The following DGKK variants were observed in gnomAD, a reference collection of about 807,000 sequenced individuals.
The protein encoded by DGKK is 142 kDa diacylglycerol kinase.
DGKK carries 35 observed loss-of-function variants against 92.2 expected under a neutral mutation model. The ratio of observed to expected loss-of-function variants is 0.38; its 90% CI spans 0.29 to 0.50. DGKK has a LOEUF of 0.50. Ranked by LOEUF, DGKK falls within the 20% of genes least tolerant of loss-of-function variation. The probability of loss-of-function intolerance (pLI) is 0.92; values close to 1 mark genes in which losing one functional copy is unlikely to be tolerated. For synonymous variants in DGKK, 368 were observed against 360.6 expected (o/e 1.02, Z -0.23); for missense variants, 910 against 992.2 (o/e 0.92, Z 1.11).
chrX:50,434,715 C>A (rs1225733652), intron 1 of DGKK, among the ~76,000 whole-genome samples: 1 of 111,151 alleles, frequency 9.0e-6, no homozygotes, highest in Admixed American at 9.6e-5. Context: ...AGAGAGGTAC[C>A]TGAAATGTCA....
chrX:50,401,182 G>A (rs1924996121), intron 7 of DGKK, 43 bp from the exon 8 acceptor site: 1 of 1,058,410 alleles, frequency 9.4e-7, no homozygotes, highest in Non-Finnish European at 1.3e-6. Flanking sequence ...AGGAGGGGGA[G>A]AGAAAAGGAT....
intron 22 of DGKK, 69 bp from the exon 23 acceptor site, chrX:50,376,987 G>T: frequency 9.4e-7 from 1 of 1,064,625 alleles, no homozygotes. Flanking sequence ...AGATCTGTCT[G>T]TGAGCCTGAC....
rs1923950523 is a variant in DGKK, at chrX:50,365,502, A to C, written c.*3438T>G. ...ATTTGGCGGGGGGAGAGGAATAGGC[A>C]CACTTTGTGGATCTTTTTTTTCTGC... is the stretch of plus-strand genomic sequence containing the variant. On this transcript the variant is annotated 3_prime_UTR_variant, in exon 28 of 28. Coordinates refer to ENST00000611977, the MANE Select transcript of DGKK (RefSeq NM_001013742.4). 1 of 111,491 alleles carries C rather than the reference A, an allele frequency of 9.0e-6. No homozygotes were observed. Among genetic ancestry groups the C allele is most frequent in the African/African-American group, 3.3e-5 (1 of 30,635 alleles). 9.2% of individuals were successfully genotyped at this position (111,491 alleles called of 1,213,427 possible).
chrX:50,468,860 T>TGG (rs1192357831), intron 1 of DGKK, among the ~76,000 whole-genome samples: 1 of 105,435 alleles, frequency 9.5e-6, no homozygotes, highest in Non-Finnish European at 2.0e-5. Flanking sequence ...TATTCGTTTG[T>TGG]GTGTGTGTGT....
At chrX:50,394,989 C>G (rs1602275637) in intron 8 of DGKK, among the ~76,000 whole-genome samples, 1 of 109,126 alleles carries the variant, frequency 9.2e-6, no homozygotes, top group Non-Finnish European at 1.9e-5. Context: ...GTCTGAGGAC[C>G]AGTGAAGAGA....
intron 25 of DGKK, among the ~76,000 whole-genome samples, chrX:50,373,131 G>A (rs1924185731): frequency 8.9e-6 from 1 of 112,398 alleles, no homozygotes; most frequent in Non-Finnish European, 1.9e-5. Flanking sequence ...GGACATGTGT[G>A]TGCCAAGTAA....
chrX:50,369,795 C>T (rs181501827), intron 27 of DGKK, among the ~76,000 whole-genome samples: 53 of 111,635 alleles, frequency 4.7e-4, no homozygotes, highest in African/African-American at 1.3e-3. Flanking sequence ...AACTCCTGGG[C>T]TCAAACAGTC....
At position 50,368,731 on chromosome X, in the gene DGKK, C is replaced by T. The variant is rs1924033814; in HGVS notation, c.*209G>A. 2.9e-5 allele frequency: 11 copies of T among 377,841 alleles called. No homozygotes were observed. The East Asian group carries it at 3.0e-4, about 10-fold the overall frequency. The allele number at this position is 377,841 out of a possible 1,213,427, so 31.1% of individuals were successfully genotyped here. ...AGAAGGAGAACTGAACAAGACAACT[C>T]GGAACAAGAACCTTTGGCCAATGAG... is the stretch of plus-strand genomic sequence containing the variant. On this transcript the variant is annotated 3_prime_UTR_variant, in exon 28 of 28. Transcript: ENST00000611977.
chrX:50,429,517 C>A (rs782141618), intron 1 of DGKK, among the ~76,000 whole-genome samples: 10 of 111,246 alleles, frequency 9.0e-5, no homozygotes, highest in African/African-American at 3.3e-4. Context: ...AACCCCGTCT[C>A]TACTAAAAAT....
intron 5 of DGKK, among the ~76,000 whole-genome samples, 168 bp from the exon 6 acceptor site, chrX:50,403,765 T>C (rs782070197): frequency 4.0e-4 from 45 of 112,050 alleles, no homozygotes; most frequent in African/African-American, 1.5e-3. Flanking sequence ...TTATTCTTAC[T>C]GGCTAATCTT....
At position 50,370,465 on chromosome X, in the gene DGKK, G is replaced by C. The variant is rs1479087669; in HGVS notation, c.3697C>G (p.Arg1233Gly). 3 of 1,192,762 alleles carry C rather than the reference G, an allele frequency of 2.5e-6. No individual in the cohort carries two copies. In the African/African-American group the frequency reaches 5.2e-5, roughly 21 times the overall value. Reference protein sequence around the residue: ...KLGKKKVEEERKPKSGQSVQS... With the variant: ...KLGKKKVEEEGKPKSGQSVQS... ...ACACTCTGGCCTGATTTAGGCTTGC[G>C]TTCCTCTTCTACCTTTTTCTTTCCC... Residue 1233 changes from arginine to glycine, a missense_variant, in exon 27 of 28, where the codon CGC becomes GGC. Physicochemically the swap from Arg to Gly is moderately radical, Grantham distance 125 (BLOSUM62 -2). Transcript: ENST00000611977.
chrX:50,458,041 T>TTC (rs1270331831), intron 1 of DGKK, among the ~76,000 whole-genome samples: 3 of 110,645 alleles, frequency 2.7e-5, no homozygotes, highest in Non-Finnish European at 5.7e-5. Flanking sequence ...GTTTCTTTCT[T>TTC]TCTTTTTCTT....
intron 1 of DGKK, among the ~76,000 whole-genome samples, chrX:50,462,882 CTTTTTTTTTTTTTTTTTTTT>C (rs548003185): frequency 6.3e-5 from 1 of 15,765 alleles, no homozygotes; most frequent in African/African-American, 1.2e-4. Flanking sequence ...CCTTTCCTTG[CTTTTTTTTTTTTTTTTTTTT>C]TTTTTTTTTT....
chrX:50,455,302 CT>C (rs1926582294), intron 1 of DGKK, among the ~76,000 whole-genome samples: 1 of 111,796 alleles, frequency 8.9e-6, no homozygotes, highest in African/African-American at 3.2e-5. Context: ...AGCTTGCTGT[CT>C]TTGGAGATCT....
chrX:50,422,784 A>T (rs1557229300), intron 2 of DGKK, among the ~76,000 whole-genome samples: 1 of 112,481 alleles, frequency 8.9e-6, no homozygotes, highest in East Asian at 2.8e-4. Context: ...ATGTGGAATT[A>T]TAGGAAGGCT....
rs1557223824 is a variant in DGKK, at chrX:50,376,134, C to A, written c.3304G>T (p.Val1102Leu). 1.6e-5 allele frequency: 19 copies of A among 1,209,610 alleles called. No homozygotes were observed. The highest frequency in any genetic ancestry group is 2.0e-5 in the Non-Finnish European group (18 of 894,997). ...LNDLSKIHQHVSVLMGSVNAS... is the reference protein window; with the variant it reads ...LNDLSKIHQHLSVLMGSVNAS... ...TTCACAGAACCCATGAGGACAGACA[C>A]ATGCTGGTGGATCTTGCTCAGGTCA... The change falls in exon 24 of 28, where the codon GTG becomes TTG. Residue 1102 changes from valine to leucine, a missense_variant. Transcript: ENST00000611977.
intron 10 of DGKK, 46 bp from the exon 11 acceptor site, chrX:50,391,622 A>G (rs781997324): frequency 1.3e-5 from 15 of 1,194,906 alleles, no homozygotes; most frequent in Admixed American, 4.4e-5. Flanking sequence ...TCTTTCTACC[A>G]AGCTTCACCC....
chrX:50,370,389 A>C, intron 27 of DGKK, 37 bp downstream of exon 27: 1 of 1,167,234 alleles, frequency 8.6e-7, no homozygotes, highest in Non-Finnish European at 1.1e-6. Flanking sequence ...TGTTGGGGGA[A>C]GTCTTCATGA....
intron 1 of DGKK, among the ~76,000 whole-genome samples, chrX:50,459,226 A>G (rs1345287330): frequency 2.7e-5 from 3 of 111,488 alleles, no homozygotes; most frequent in Non-Finnish European, 5.7e-5. Flanking sequence ...CCAAATATGT[A>G]TCATATTATA....
Sources: allele counts gnomAD v4.1 joint callset (sites outside exome capture counted in the v4.1 genomes callset), GRCh38; gene constraint gnomAD v4.1.1; transcripts MANE v1.5; gene names NCBI Gene and HGNC (gene_info 2026-07-23, HGNC 2026-07-21).